Variants in NUP35 observed in about 807,000 individuals in gnomAD.
NUP35 encodes the protein nucleoporin NUP35.
NUP35 carries 25 observed loss-of-function variants against 41.5 expected under a neutral mutation model. That is an observed-to-expected ratio of 0.60 (90% CI 0.44 to 0.84). The LOEUF (loss-of-function observed/expected upper bound fraction) is 0.84. Ranked by LOEUF, NUP35 falls within the 40% of genes least tolerant of loss-of-function variation. The pLI is 0.00. For synonymous variants in NUP35, 149 were observed against 130.7 expected, an observed-to-expected ratio of 1.14 and a Z score of -0.96; for missense variants, 396 against 396.6, an observed-to-expected ratio of 1.00 and a Z score of 0.01.
At position 183,130,537 on chromosome 2, in the gene NUP35, A is replaced by G. The variant is rs746464724; in HGVS notation, c.331A>G (p.Arg111Gly). 5.0e-6 allele frequency: 8 copies of G among 1,613,390 alleles called. No individual in the cohort carries two copies. Among genetic ancestry groups the G allele is most frequent in the African/African-American group, 1.3e-5 (1 of 74,866 alleles). The change falls in exon 3 of 9, where the codon AGA becomes GGA. Residue 111 changes from arginine (R) to glycine (G), a missense_variant. By Grantham distance (125) the Arg-to-Gly change is moderately radical. Coordinates refer to ENST00000295119, the MANE Select transcript of NUP35 (RefSeq NM_138285.5). ...PGLGSTPLTS[R>G]RQPNISVMQS... Reference sequence around the variant, plus strand: ...ACTTGGATCAACACCTTTAACTTCAAGAAGACAGGTAATATAAATACCCTT... The same window carrying G: ...ACTTGGATCAACACCTTTAACTTCAGGAAGACAGGTAATATAAATACCCTT...
chr2:183,152,796 T>C lies in NUP35; in HGVS notation c.539+1147T>C, dbSNP rs114506165. Among the ~76,000 whole-genome samples, 1,011 of 152,326 alleles carry C rather than the reference T, an allele frequency of 6.6e-3. 13 individuals are homozygous for C. The highest frequency in any genetic ancestry group is 0.023 in the African/African-American group (973 of 41,574). On this transcript the variant is annotated intron_variant, in intron 5 of 8. Transcript: ENST00000295119. ...TCAGCCGTTCACATCTAGTTATTAT[T>C]AGCAAAGCTCCAGCAAAAACTTGGG...
intron 5 of NUP35, among the ~76,000 whole-genome samples, chr2:183,154,005 T>C (rs1169645833): frequency 1.3e-5 from 2 of 152,212 alleles, no homozygotes; most frequent in Non-Finnish European, 2.9e-5. Context: ...CTCAATACCA[T>C]GTGGAAGCTG....
upstream of NUP35, chr2:183,123,916 G>T: frequency 1.8e-6 from 1 of 560,684 alleles, no homozygotes; most frequent in South Asian, 7.8e-5. Context: ...ACAAAACGGC[G>T]TATGAGTTAC....
chr2:183,133,099 AC>A (rs528161316), intron 3 of NUP35, among the ~76,000 whole-genome samples: 37 of 152,172 alleles, frequency 2.4e-4, no homozygotes, highest in Non-Finnish European at 4.9e-4. Context: ...GGAACTTTCT[AC>A]TGGTAGTGGT....
chr2:183,124,980 C>T (rs1300765793), intron 1 of NUP35, among the ~76,000 whole-genome samples: 2 of 149,618 alleles, frequency 1.3e-5, no homozygotes, highest in South Asian at 2.1e-4. Context: ...TGACTCCTCT[C>T]TCCCGGGCTT....
chr2:183,127,947 G>A (rs999489308), intron 1 of NUP35, among the ~76,000 whole-genome samples: 4 of 152,054 alleles, frequency 2.6e-5, no homozygotes, highest in African/African-American at 9.6e-5. Flanking sequence ...GGTGGTGCAG[G>A]CCTGTAGACT....
upstream of NUP35, among the ~76,000 whole-genome samples, chr2:183,119,647 A>G (rs1700038934): frequency 6.6e-6 from 1 of 152,108 alleles, no homozygotes; most frequent in African/African-American, 2.4e-5. Context: ...TGATTGGAGC[A>G]AAAGGTTAGG....
In NUP35 at chr2:183,124,443, G is replaced by A. The variant is rs986360055; in HGVS notation, c.-15G>A. ...AATTGGGAAGGTACTGGTTTTAAGT[G>A]TAGTTGCCGACGCAATGGCAGCCTT... is the stretch of plus-strand genomic sequence containing the variant. On this transcript the variant is annotated 5_prime_UTR_variant, in exon 1 of 9. Coordinates refer to ENST00000295119, the MANE Select transcript of NUP35 (RefSeq NM_138285.5). 18 of 1,614,202 alleles carry A rather than the reference G, an allele frequency of 1.1e-5. No homozygotes were observed. Among genetic ancestry groups the A allele is most frequent in the Non-Finnish European group, 1.4e-5 (17 of 1,180,018 alleles).
chr2:183,161,241 C>A lies in NUP35; in HGVS notation c.*110C>A, dbSNP rs1156878310. The A allele has an allele frequency of 7.6e-6, 5 of 659,010 alleles. No individual in the cohort carries two copies. The African/African-American group carries it at 9.1e-5, about 12-fold the overall frequency. 40.8% of individuals were successfully genotyped at this position (659,010 alleles called of 1,614,324 possible). Reference sequence around the variant, plus strand: ...TGCAGTATTGGATAGCTATCTCATACTTCTTTTAGAAAGAAGCCTTTTTCA... The same window carrying A: ...TGCAGTATTGGATAGCTATCTCATAATTCTTTTAGAAAGAAGCCTTTTTCA... On this transcript the variant is annotated 3_prime_UTR_variant, in exon 9 of 9. Coordinates refer to ENST00000295119, the MANE Select transcript of NUP35 (RefSeq NM_138285.5).
At chr2:183,143,506 G>A (rs1685175634) in intron 4 of NUP35, among the ~76,000 whole-genome samples, 2 of 152,082 alleles carry the variant, frequency 1.3e-5, no homozygotes, top group Non-Finnish European at 2.9e-5. Flanking sequence ...CTGAATATGG[G>A]CAGGGGCAAA....
intron 4 of NUP35, among the ~76,000 whole-genome samples, chr2:183,148,291 A>T (rs1685348667): frequency 6.6e-6 from 1 of 152,086 alleles, no homozygotes. Context: ...TCTTTTTGTT[A>T]TATTATTTCT....
chr2:183,150,875 T>C (rs1302232694), intron 4 of NUP35, among the ~76,000 whole-genome samples: 1 of 152,222 alleles, frequency 6.6e-6, no homozygotes. Flanking sequence ...TAGCCTTAAT[T>C]GGACATTGCT....
At chr2:183,142,476 G>T (rs78528546) in intron 4 of NUP35, among the ~76,000 whole-genome samples, 6,783 of 150,802 alleles carry the variant, frequency 0.045, 244 homozygotes, top group South Asian at 0.15. Flanking sequence ...GGTGGGGGGT[G>T]GTGGGCACTT....
intron 4 of NUP35, among the ~76,000 whole-genome samples, chr2:183,146,577 C>T (rs143924129): frequency 3.9e-5 from 6 of 152,042 alleles, no homozygotes; most frequent in Admixed American, 3.9e-4. Context: ...GCAGCCTTAT[C>T]AACATTCTTA....
intron 1 of NUP35, among the ~76,000 whole-genome samples, chr2:183,126,345 A>T (rs1006946870): frequency 3.3e-5 from 5 of 152,222 alleles, no homozygotes; most frequent in African/African-American, 9.6e-5. Context: ...ATCCAGATAC[A>T]TCAGAACTTT....
rs1685852257 is a variant in NUP35, at chr2:183,160,970, CTT to C, written c.904-81_904-80del. The C allele has an allele frequency of 7.0e-6, 7 of 1,005,036 alleles. No homozygotes were observed. The South Asian group carries it at 8.8e-5, about 13-fold the overall frequency. 62.3% of individuals were successfully genotyped at this position (1,005,036 alleles called of 1,614,324 possible). On this transcript the variant is annotated intron_variant, in intron 8 of 8. Coordinates refer to ENST00000295119, the MANE Select transcript of NUP35 (RefSeq NM_138285.5). ...GCTATAAATGCATTTTGGTGTTTCT[CTT>C]TTAAATGAGCAATTCTAGAATTGCC...
intron 3 of NUP35, among the ~76,000 whole-genome samples, 181 bp from the exon 4 acceptor site, chr2:183,133,385 G>T (rs1684763829): frequency 6.7e-6 from 1 of 149,032 alleles, no homozygotes. Context: ...AAGGGATCTA[G>T]TAAATTTTAG....
intron 5 of NUP35, among the ~76,000 whole-genome samples, chr2:183,152,364 G>A (rs1685502038): frequency 6.6e-6 from 1 of 152,044 alleles, no homozygotes; most frequent in South Asian, 2.1e-4. Flanking sequence ...CATGATTCGT[G>A]AGACTTTGGG....
chr2:183,127,950 T>G (rs895936366), intron 1 of NUP35, among the ~76,000 whole-genome samples: 3 of 151,914 alleles, frequency 2.0e-5, no homozygotes, highest in East Asian at 3.9e-4. Flanking sequence ...GGTGCAGGCC[T>G]GTAGACTTAG....
Sources: allele counts gnomAD v4.1 joint callset (sites outside exome capture counted in the v4.1 genomes callset), GRCh38; gene constraint gnomAD v4.1.1; transcripts MANE v1.5; gene names NCBI Gene and HGNC (gene_info 2026-07-23, HGNC 2026-07-21).